Variants in STAU1 observed in about 807,000 individuals in gnomAD.
The protein encoded by STAU1 is staufen double-stranded RNA binding protein 1.
STAU1 carries 13 observed loss-of-function variants against 62.9 expected under a neutral mutation model. The ratio of observed to expected loss-of-function variants is 0.21; its 90% CI spans 0.13 to 0.33. The LOEUF is 0.33. Ranked by LOEUF, STAU1 falls within the 10% of genes least tolerant of loss-of-function variation. The probability of loss-of-function intolerance (pLI) is 1.00; values close to 1 mark genes in which losing one functional copy is unlikely to be tolerated. For missense variants in STAU1, 571 were observed against 712.1 expected (o/e 0.80, Z 2.25); for synonymous variants, 269 against 265.1 (o/e 1.01, Z -0.14).
chr20:49,172,160 TAAC>T (rs1264737145), intron 2 of STAU1, among the ~76,000 whole-genome samples: 6 of 152,288 alleles, frequency 3.9e-5, no homozygotes, highest in African/African-American at 1.2e-4. Flanking sequence ...CACACAAATG[TAAC>T]AGTTGGGAGG....
chr20:49,217,058 A>C, the STAU1 span, among the ~76,000 whole-genome samples: 11 of 152,126 alleles, frequency 7.2e-5, no homozygotes, highest in Admixed American at 6.6e-5. Flanking sequence ...CTGGGACCCA[A>C]ACCTTGGAGA....
At chr20:49,207,302 T>A in the STAU1 span, among the ~76,000 whole-genome samples, 1 of 151,720 alleles carries the variant, frequency 6.6e-6, no homozygotes, top group African/African-American at 2.4e-5. Flanking sequence ...GTGTCCACCA[T>A]GCCACTTTTC....
chr20:49,213,311 A>G, the STAU1 span, among the ~76,000 whole-genome samples: 15 of 151,566 alleles, frequency 9.9e-5, no homozygotes, highest in Middle Eastern at 3.4e-3. Flanking sequence ...GCTCACTGCA[A>G]CCTCCGCCTC....
intron 6 of STAU1, among the ~76,000 whole-genome samples, chr20:49,130,338 G>T (rs932251435): frequency 2.6e-5 from 4 of 152,192 alleles, no homozygotes; most frequent in Non-Finnish European, 5.9e-5. Flanking sequence ...GGGACACAGG[G>T]AACTTTACTG....
At chr20:49,204,625 TG>T in the STAU1 span, among the ~76,000 whole-genome samples, 2 of 38,972 alleles carry the variant, frequency 5.1e-5, no homozygotes, top group Non-Finnish European at 4.6e-5. Flanking sequence ...TATATATATG[TG>T]TATATATATA....
chr20:49,117,732 G>T lies in STAU1; in HGVS notation c.1509+45C>A, dbSNP rs370379949. 3.3e-6 allele frequency: 5 copies of T among 1,528,926 alleles called. No individual in the cohort carries two copies. In the South Asian group the frequency reaches 6.3e-5, roughly 19 times the overall value. The allele number at this position is 1,528,926 out of a possible 1,614,324, so 94.7% of individuals were successfully genotyped here. ...CATTTTCTGAGAGAAGCCAAAAGAT[G>T]ACTGTCCTGAGGCACAGCCATCACA... is the stretch of plus-strand genomic sequence containing the variant. On this transcript the variant is annotated intron_variant, in intron 11 of 13. Coordinates refer to ENST00000371856, the MANE Select transcript of STAU1 (RefSeq NM_017453.4). The surrounding 1 kb of genome is among the most constrained non-coding windows in gnomAD (Gnocchi z 4.6).
intron 6 of STAU1, among the ~76,000 whole-genome samples, chr20:49,129,436 C>A (rs577831917): frequency 3.3e-5 from 5 of 150,932 alleles, no homozygotes; most frequent in African/African-American, 1.2e-4. Flanking sequence ...TACAGGTGCA[C>A]ACAACCATGC....
chr20:49,130,353 G>C (rs1350535966), intron 6 of STAU1, among the ~76,000 whole-genome samples: 1 of 152,122 alleles, frequency 6.6e-6, no homozygotes, highest in African/African-American at 2.4e-5. Context: ...TTACTGGGTG[G>C]GAGATGTTCT....
intron 7 of STAU1, among the ~76,000 whole-genome samples, chr20:49,123,701 CT>C (rs986456076): frequency 1.3e-5 from 2 of 152,202 alleles, no homozygotes; most frequent in African/African-American, 4.8e-5. Flanking sequence ...TTGAGGCCAC[CT>C]TTTGTGCCAA....
chr20:49,192,131 G>T (rs1451736182), upstream of STAU1, among the ~76,000 whole-genome samples: 1 of 151,756 alleles, frequency 6.6e-6, no homozygotes, highest in African/African-American at 2.4e-5. Context: ...CAGATCATGA[G>T]GTCAGGAGAT....
chr20:49,134,567 G>GGAC (rs1250297047), intron 6 of STAU1: 4 of 1,299,468 alleles, frequency 3.1e-6, no homozygotes, highest in Admixed American at 3.4e-5. Context: ...TCAATTCAAA[G>GGAC]GACCTGCCCC....
chr20:49,210,521 T>A, the STAU1 span: 18 of 456,012 alleles, frequency 3.9e-5, no homozygotes, highest in Middle Eastern at 3.3e-4. Flanking sequence ...GGGGGAAAAT[T>A]CTACATCACT....
the STAU1 span, among the ~76,000 whole-genome samples, chr20:49,200,757 A>G: frequency 3.9e-5 from 6 of 151,978 alleles, no homozygotes; most frequent in Non-Finnish European, 8.8e-5. Context: ...AATTATAGGG[A>G]CAGCAAATAC....
chr20:49,138,127 T>C (rs1241535532), intron 5 of STAU1, among the ~76,000 whole-genome samples: 3 of 151,868 alleles, frequency 2.0e-5, no homozygotes, highest in Non-Finnish European at 2.9e-5. Flanking sequence ...ATAAAAAAAA[T>C]ACAAATATTA....
chr20:49,206,281 A>T, the STAU1 span, among the ~76,000 whole-genome samples: 1 of 151,702 alleles, frequency 6.6e-6, no homozygotes, highest in Non-Finnish European at 1.5e-5. Context: ...GGCGTGAGCC[A>T]CCGCACCCGG....
chr20:49,124,599 G>GGAAA lies in STAU1; in HGVS notation c.610-16_610-13dup. 6.2e-7 allele frequency: 1 copy of GGAAA among 1,613,270 alleles called. No homozygotes were observed. Among genetic ancestry groups the GGAAA allele is most frequent in the East Asian group, 2.2e-5 (1 of 44,884 alleles). On this transcript the variant is annotated splice_polypyrimidine_tract_variant and intron_variant, in intron 6 of 13. Transcript: ENST00000371856. ...CTCTCCCGGGCCACCTGTTTCAGAG[G>GGAAA]GAAAGACTGAGTGAAAGCGGACAGA...
intron 2 of STAU1, among the ~76,000 whole-genome samples, chr20:49,172,204 A>C (rs1257664310): frequency 6.6e-6 from 1 of 152,178 alleles, no homozygotes; most frequent in Admixed American, 6.5e-5. Flanking sequence ...AACACTTCCT[A>C]AAAGAGATTT....
At chr20:49,164,968 A>G (rs2093503370) in intron 3 of STAU1, among the ~76,000 whole-genome samples, 1 of 152,194 alleles carries the variant, frequency 6.6e-6, no homozygotes, top group South Asian at 2.1e-4. Flanking sequence ...TGCTTGGGAT[A>G]AAATCTTACG....
intron 4 of STAU1, among the ~76,000 whole-genome samples, chr20:49,153,710 C>CAAAAAAAAA (rs145558067): frequency 5.2e-4 from 35 of 67,594 alleles, no homozygotes; most frequent in African/African-American, 9.3e-4. Flanking sequence ...GACTCTGTCT[C>CAAAAAAAAA]AAAAAAAAAA....
Sources: allele counts gnomAD v4.1 joint callset (sites outside exome capture counted in the v4.1 genomes callset), GRCh38; gene constraint gnomAD v4.1.1; non-coding constraint Gnocchi (gnomAD v3.1); transcripts MANE v1.5; gene names NCBI Gene and HGNC (gene_info 2026-07-23, HGNC 2026-07-21).